The following PDXK variants were observed in gnomAD, a reference collection of about 807,000 sequenced individuals.
The protein encoded by PDXK is epididymis secretory sperm binding protein Li 1a.
In PDXK, 15 loss-of-function variants were observed where a neutral mutation model predicts 43.2. The observed-to-expected ratio is 0.35, with a 90% CI of 0.23 to 0.53. The LOEUF (loss-of-function observed/expected upper bound fraction) is 0.53. Ranked by LOEUF, PDXK falls within the 20% of genes least tolerant of loss-of-function variation. The pLI is 0.92. For missense variants in PDXK, 343 were observed against 417.0 expected, an observed-to-expected ratio of 0.82 and a Z score of 1.54; for synonymous variants, 172 against 165.4, an observed-to-expected ratio of 1.04 and a Z score of -0.31.
chr21:43,731,505 G>A (rs948948048), intron 1 of PDXK, among the ~76,000 whole-genome samples: 2 of 152,240 alleles, frequency 1.3e-5, no homozygotes, highest in African/African-American at 2.4e-5. Flanking sequence ...TGTAAAACAA[G>A]GTGATTCACA....
chr21:43,738,180 C>CTCTTTTA, intron 2 of PDXK: 2 of 355,342 alleles, frequency 5.6e-6, no homozygotes, highest in Non-Finnish European at 7.9e-6. Context: ...TAAAAGAGGC[C>CTCTTTTA]ATCAGGGCTC....
chr21:43,739,547 C>A (rs1368377572), intron 2 of PDXK, among the ~76,000 whole-genome samples: 2 of 144,770 alleles, frequency 1.4e-5, no homozygotes, highest in Middle Eastern at 3.9e-3. Context: ...ACACCTCCTT[C>A]ACATTGGCGG....
At chr21:43,726,523 G>A (rs528218325) in intron 1 of PDXK, among the ~76,000 whole-genome samples, 11 of 152,000 alleles carry the variant, frequency 7.2e-5, no homozygotes, top group East Asian at 1.9e-4. Context: ...GGATCTGCCC[G>A]CCTCGGCCTT....
At chr21:43,736,054 G>T (rs192348761) in intron 2 of PDXK, among the ~76,000 whole-genome samples, 3 of 152,328 alleles carry the variant, frequency 2.0e-5, no homozygotes, top group African/African-American at 7.2e-5. Context: ...CGGTGCCCAC[G>T]ATGACACTGT....
chr21:43,734,794 C>A lies in PDXK; in HGVS notation c.142+671C>A, dbSNP rs1054421565. 6.6e-6 allele frequency among the ~76,000 whole-genome samples: 1 copy of A among 152,146 alleles called. No individual in the cohort carries two copies. The highest frequency in any genetic ancestry group is 2.4e-5 in the African/African-American group (1 of 41,418). The stretch of plus-strand genomic sequence containing the variant: ...AGGTGCGTGGAGTCCCCCCTCCTCT[C>A]TGTGGTTTCTATACTGCTTCGTCGG... On this transcript the variant is annotated intron_variant, in intron 2 of 10. Coordinates refer to ENST00000291565, the MANE Select transcript of PDXK (RefSeq NM_003681.5). This position sits in a 1 kb window ranked among gnomAD's most constrained non-coding sequence, Gnocchi z 5.0.
At chr21:43,743,650 C>T in intron 3 of PDXK, 74 bp from the exon 4 acceptor site, 1 of 1,055,938 alleles carries the variant, frequency 9.5e-7, no homozygotes, top group Non-Finnish European at 1.4e-6. Context: ...GCTGGTGCTT[C>T]TCTTTCTTTG....
chr21:43,737,383 C>T lies in PDXK; in HGVS notation c.142+3260C>T. 8.4e-7 allele frequency: 1 copy of T among 1,196,756 alleles called. No individual in the cohort carries two copies. Among genetic ancestry groups the T allele is most frequent in the Non-Finnish European group, 1.0e-6 (1 of 957,822 alleles). The allele number at this position is 1,196,756 out of a possible 1,614,324, so 74.1% of individuals were successfully genotyped here. ...CACAAGGTGCGTTCATTTTTCCACA[C>T]CGTGAGCTGGGCTTGGCAGAGCCTC... On this transcript the variant is annotated intron_variant, in intron 2 of 10. Transcript: ENST00000291565. The surrounding 1 kb of genome is among the most constrained non-coding windows in gnomAD (Gnocchi z 4.8).
At chr21:43,741,870 G>A (rs952371408) in intron 3 of PDXK, 99 bp downstream of exon 3, 11 of 773,160 alleles carry the variant, frequency 1.4e-5, no homozygotes, top group East Asian at 2.6e-5. Context: ...GGCCTGTCTC[G>A]GGTCCCTGCC....
intron 1 of PDXK, among the ~76,000 whole-genome samples, chr21:43,733,148 G>A (rs1005256576): frequency 1.7e-4 from 26 of 152,010 alleles, no homozygotes; most frequent in African/African-American, 6.3e-4. Context: ...GAAAAGCCTT[G>A]GCAAATACAA....
At position 43,754,211 on chromosome 21, in the gene PDXK, G is replaced by A. The variant is rs1324879696; in HGVS notation, c.759+492G>A. 1.3e-5 allele frequency among the ~76,000 whole-genome samples: 2 copies of A among 152,216 alleles called. No individual in the cohort carries two copies. The highest frequency in any genetic ancestry group is 2.9e-5 in the Non-Finnish European group (2 of 68,036). On this transcript the variant is annotated intron_variant, in intron 9 of 10. Transcript: ENST00000291565. The surrounding 1 kb of genome is among the most constrained non-coding windows in gnomAD (Gnocchi z 5.5). ...GCTGAGGACAGGGGTCCAGGCAGGT[G>A]TGGAGAGCCGTCTTTCTGGGCGTTT...
chr21:43,726,856 ATGG>A (rs1170592499), intron 1 of PDXK, among the ~76,000 whole-genome samples: 1 of 151,370 alleles, frequency 6.6e-6, no homozygotes, highest in Non-Finnish European at 1.5e-5. Flanking sequence ...ATGTGTGTAC[ATGG>A]TGTGTGTGTA....
intron 3 of PDXK, among the ~76,000 whole-genome samples, chr21:43,742,195 T>A (rs767449831): frequency 1.1e-4 from 16 of 152,180 alleles, no homozygotes; most frequent in East Asian, 1.9e-4. Flanking sequence ...TATTATTATT[T>A]TTGAGACAGG....
At position 43,757,095 on chromosome 21, in the gene PDXK, A is replaced by G. The variant is rs1225872595; in HGVS notation, c.*1032A>G. On this transcript the variant is annotated 3_prime_UTR_variant, in exon 11 of 11. Transcript: ENST00000291565. ...CAAGAGGCCACCCTGGAAGCTGCCAATCTTCCAAGGTGGGTGTGGGGCACG... is the reference window on the plus strand; with the variant it reads ...CAAGAGGCCACCCTGGAAGCTGCCAGTCTTCCAAGGTGGGTGTGGGGCACG... 1 of 152,368 alleles carries G rather than the reference A, an allele frequency of 6.6e-6. No individual in the cohort carries two copies. The highest frequency in any genetic ancestry group is 1.5e-5 in the Non-Finnish European group (1 of 68,132). 9.4% of individuals were successfully genotyped at this position (152,368 alleles called of 1,614,324 possible).
At chr21:43,726,270 C>CTTTTTTTTTTTTTTT (rs1182376121) in intron 1 of PDXK, among the ~76,000 whole-genome samples, 97 of 116,794 alleles carry the variant, frequency 8.3e-4, no homozygotes, top group Non-Finnish European at 1.1e-3. Context: ...TTTTCTTTTT[C>CTTTTTTTTTTTTTTT]TTTTTTTTTT....
intron 1 of PDXK, among the ~76,000 whole-genome samples, chr21:43,724,281 C>G (rs1216230923): frequency 6.6e-6 from 1 of 152,160 alleles, no homozygotes; most frequent in Non-Finnish European, 1.5e-5. Context: ...GCTCCCTGCC[C>G]TGGAACCCTG....
chr21:43,725,953 G>A lies in PDXK; in HGVS notation c.87+6572G>A, dbSNP rs564090819. Among the ~76,000 whole-genome samples, 44 of 152,190 alleles carry A rather than the reference G, an allele frequency of 2.9e-4. No individual in the cohort carries two copies. In the South Asian group the frequency reaches 5.2e-3, roughly 18 times the overall value. On this transcript the variant is annotated intron_variant, in intron 1 of 10. Coordinates refer to ENST00000291565, the MANE Select transcript of PDXK (RefSeq NM_003681.5). ...AGACGCTTCTGAGTGTCCTCGGAACGTTCCCACGTGCTCTCCAGGCCATGC... is the reference window on the plus strand; with the variant it reads ...AGACGCTTCTGAGTGTCCTCGGAACATTCCCACGTGCTCTCCAGGCCATGC...
rs2083634678 is a variant in PDXK at position 43,746,128 on chromosome 21, G to A, written c.378+3G>A. ...AGTGGGACGGCGAAGGCTCGATGGT[G>A]AGTAGTTTCACGTGTGTGATTTAAA... On this transcript the variant is annotated splice_donor_region_variant and intron_variant, in intron 5 of 10. Coordinates refer to ENST00000291565, the MANE Select transcript of PDXK (RefSeq NM_003681.5). The A allele has an allele frequency of 1.9e-6, 3 of 1,611,214 alleles. No individual in the cohort carries two copies. Among genetic ancestry groups the A allele is most frequent in the African/African-American group, 1.3e-5 (1 of 74,888 alleles).
At chr21:43,755,589 C>T (rs969410102) in intron 9 of PDXK, 109 bp from the exon 10 acceptor site, 18 of 943,424 alleles carry the variant, frequency 1.9e-5, no homozygotes, top group Admixed American at 1.2e-4. Context: ...CCCGGTGGCT[C>T]GGAGAGCAGG....
chr21:43,746,238 A>C, intron 5 of PDXK, 113 bp downstream of exon 5: 1 of 836,320 alleles, frequency 1.2e-6, no homozygotes, highest in Non-Finnish European at 2.1e-6. Flanking sequence ...TCCTCTGTCC[A>C]GGGGTAAAAA....
Sources: gnomAD v4.1 joint callset for allele counts (sites outside exome capture counted in the v4.1 genomes callset) on GRCh38, gnomAD v4.1.1 for gene constraint, Gnocchi (gnomAD v3.1) non-coding constraint, MANE v1.5 for transcripts, NCBI Gene and HGNC (gene_info 2026-07-23, HGNC 2026-07-21) for gene names.